The following GRIN2A variants were observed in gnomAD, a reference collection of about 807,000 sequenced individuals.
GRIN2A encodes the protein glutamate receptor ionotropic, NMDA 2A.
A neutral mutation model predicts 113.4 loss-of-function variants in GRIN2A; 22 were observed. The observed-to-expected ratio is 0.19, with a 90% confidence interval of 0.14 to 0.28. The LOEUF (loss-of-function observed/expected upper bound fraction) is 0.28. Ranked by LOEUF, GRIN2A falls within the 10% of genes least tolerant of loss-of-function variation. The pLI is 1.00. For synonymous variants in GRIN2A, 827 were observed against 738.4 expected (o/e 1.12, Z -1.94); for missense variants, 1,502 against 1,887.0 (o/e 0.80, Z 3.78).
At chr16:9,931,058 A>G (rs2044581109) in intron 3 of GRIN2A, among the ~76,000 whole-genome samples, 1 of 152,202 alleles carries the variant, frequency 6.6e-6, no homozygotes, top group Non-Finnish European at 1.5e-5. Flanking sequence ...CTTCCCTTCA[A>G]TACTAATTCA....
intron 4 of GRIN2A, among the ~76,000 whole-genome samples, chr16:9,851,065 C>G (rs1418573276): frequency 6.6e-6 from 1 of 152,112 alleles, no homozygotes; most frequent in African/African-American, 2.4e-5. Context: ...ACCCACTCAC[C>G]TCTCCTCCTG....
At chr16:9,895,947 T>G (rs529614770) in intron 3 of GRIN2A, among the ~76,000 whole-genome samples, 1 of 152,232 alleles carries the variant, frequency 6.6e-6, no homozygotes, top group Non-Finnish European at 1.5e-5. Flanking sequence ...GTTATCTGTT[T>G]GGAAATGCTG....
intron 2 of GRIN2A, among the ~76,000 whole-genome samples, chr16:9,983,953 TCTA>T (rs2045936847): frequency 1.3e-5 from 2 of 152,240 alleles, no homozygotes; most frequent in African/African-American, 2.4e-5. Context: ...ATACAGAAGT[TCTA>T]CTTTTAGTAT....
chr16:10,111,513 C>G, intron 2 of GRIN2A: 1 of 721,334 alleles, frequency 1.4e-6, no homozygotes, highest in Non-Finnish European at 2.5e-6. Flanking sequence ...TCATAGATTT[C>G]ATAGCTGATG....
At chr16:9,988,674 C>T (rs1411142313) in intron 2 of GRIN2A, among the ~76,000 whole-genome samples, 1 of 152,154 alleles carries the variant, frequency 6.6e-6, no homozygotes, top group Non-Finnish European at 1.5e-5. Context: ...ACAACCCTCT[C>T]AAGAAGCCAT....
At chr16:9,889,969 T>C (rs2043661541) in intron 4 of GRIN2A, among the ~76,000 whole-genome samples, 1 of 152,192 alleles carries the variant, frequency 6.6e-6, no homozygotes, top group African/African-American at 2.4e-5. Flanking sequence ...AGCTTCCTCC[T>C]CACTGTTCTT....
chr16:9,928,411 T>C (rs150217293), intron 3 of GRIN2A, among the ~76,000 whole-genome samples: 62 of 152,316 alleles, frequency 4.1e-4, no homozygotes, highest in African/African-American at 1.4e-3. Context: ...CCTGCCCCTT[T>C]ATACTTTGCT....
intron 2 of GRIN2A, among the ~76,000 whole-genome samples, chr16:10,104,890 C>T (rs1187818528): frequency 6.6e-6 from 1 of 152,058 alleles, no homozygotes; most frequent in African/African-American, 2.4e-5. Context: ...GACAGGAAAA[C>T]CAAAATAAGA....
chr16:9,906,246 CT>C (rs1301430040), intron 3 of GRIN2A, among the ~76,000 whole-genome samples: 1 of 152,214 alleles, frequency 6.6e-6, no homozygotes, highest in Admixed American at 6.5e-5. Flanking sequence ...ATCCATGCTC[CT>C]TGGCAACTTT....
At chr16:9,859,609 TACACAC>T (rs55697606) in intron 4 of GRIN2A, among the ~76,000 whole-genome samples, 112 of 141,242 alleles carry the variant, frequency 7.9e-4, no homozygotes, top group African/African-American at 1.9e-3. Context: ...CTCGAACCTC[TACACAC>T]ACACACACAC....
rs2042038948 is a variant in GRIN2A, at chr16:9,809,211, G to GGAGT, written c.2169-10751_2169-10748dup. ...GAAGTGGGTGGATTACTGAAGGTTA[G>GGAGT]GAGTTTGAGATCAGCCTGGGCAACA... On this transcript the variant is annotated intron_variant, in intron 10 of 12. Transcript: ENST00000330684. 3.3e-5 allele frequency among the ~76,000 whole-genome samples: 5 copies of GGAGT among 152,272 alleles called. No individual in the cohort carries two copies. In the South Asian group the frequency reaches 1.0e-3, roughly 32 times the overall value.
intron 2 of GRIN2A, among the ~76,000 whole-genome samples, chr16:9,949,317 A>T (rs1004150133): frequency 1.3e-5 from 2 of 151,854 alleles, no homozygotes; most frequent in Non-Finnish European, 2.9e-5. Context: ...GGACAGACGA[A>T]TGCATGGATG....
intron 4 of GRIN2A, among the ~76,000 whole-genome samples, chr16:9,889,819 T>C (rs904159480): frequency 3.9e-5 from 6 of 152,322 alleles, no homozygotes; most frequent in Admixed American, 3.3e-4. Context: ...GAATGCACCC[T>C]CCATTATTTC....
In GRIN2A at chr16:10,036,735, C is replaced by T. The variant is rs558229754; in HGVS notation, c.415-98184G>A. ...TGCTGGGACTACAGGCGTGAGCCAC[C>T]GTGCCTGGCCAGTATTATTTTTTTT... is the stretch of plus-strand genomic sequence containing the variant. On this transcript the variant is annotated intron_variant, in intron 2 of 12. Coordinates refer to ENST00000330684, the MANE Select transcript of GRIN2A (RefSeq NM_001134407.3). 4.7e-4 allele frequency among the ~76,000 whole-genome samples: 71 copies of T among 151,966 alleles called. 1 individual carries two copies. The highest frequency in any genetic ancestry group is 4.2e-3 in the South Asian group (20 of 4,806).
chr16:10,006,819 C>T (rs2141856285), intron 2 of GRIN2A, among the ~76,000 whole-genome samples: 1 of 152,278 alleles, frequency 6.6e-6, no homozygotes, highest in South Asian at 2.1e-4. Context: ...AACCATCCTT[C>T]TACTCTCTTC....
chr16:10,166,707 T>C (rs760047244), intron 2 of GRIN2A, among the ~76,000 whole-genome samples: 1 of 152,198 alleles, frequency 6.6e-6, no homozygotes, highest in Non-Finnish European at 1.5e-5. Context: ...GTATGAAGAA[T>C]GAACATACAT....
intron 11 of GRIN2A, among the ~76,000 whole-genome samples, chr16:9,793,194 G>T (rs1030000313): frequency 3.9e-5 from 6 of 152,196 alleles, no homozygotes; most frequent in African/African-American, 1.4e-4. Context: ...TATTATATGT[G>T]ATGTGCTTGG....
intron 2 of GRIN2A, among the ~76,000 whole-genome samples, chr16:10,113,358 C>T (rs1385388854): frequency 6.6e-6 from 1 of 152,170 alleles, no homozygotes. Flanking sequence ...AGGTCTCTGC[C>T]CCCTTCCCCG....
At chr16:10,058,180 G>A (rs543102193) in intron 2 of GRIN2A, among the ~76,000 whole-genome samples, 133 of 151,992 alleles carry the variant, frequency 8.8e-4, no homozygotes, top group African/African-American at 2.8e-3. Context: ...GCTTGAACCC[G>A]GGAGGCAGAG....
Sources: gnomAD v4.1 joint callset for allele counts (sites outside exome capture counted in the v4.1 genomes callset) on GRCh38, gnomAD v4.1.1 for gene constraint, MANE v1.5 for transcripts, NCBI Gene and HGNC (gene_info 2026-07-23, HGNC 2026-07-21) for gene names.